ABRAXAS1: variants seen among roughly 807,000 people sequenced by gnomAD.
ABRAXAS1 encodes abraxas 1, BRCA1 A complex subunit.
ABRAXAS1 carries 26 observed loss-of-function variants against 38.4 expected under a neutral mutation model. The ratio of observed to expected loss-of-function variants is 0.68; its 90% confidence interval spans 0.50 to 0.94. The LOEUF (loss-of-function observed/expected upper bound fraction) is 0.94, where lower values mean the gene tolerates loss of function less well. Among genes scored for constraint, ABRAXAS1 ranks in the 40% least tolerant of loss-of-function variants. The pLI, the probability that ABRAXAS1 is intolerant of heterozygous loss-of-function variation, is 0.00. For synonymous variants in ABRAXAS1, 144 were observed against 165.5 expected (o/e 0.87, Z 1.00); for missense variants, 438 against 481.9 (o/e 0.91, Z 0.85).
chr4:83,484,143 C>G (rs1258648956), intron 1 of ABRAXAS1: 19 of 970,492 alleles, frequency 2.0e-5, no homozygotes, highest in Non-Finnish European at 2.2e-5. Flanking sequence ...GCTGGAATTA[C>G]AGGCGTGAGC....
In ABRAXAS1 at chr4:83,459,969, A is replaced by G. The variant is rs1201815104; in HGVS notation, c.*2500T>C. ...AAAAGTCTCTTAGGCCAAGAGGATT[A>G]TTATTTTGCTGTCTTATGCAGAGTT... On this transcript the variant is annotated 3_prime_UTR_variant, in exon 9 of 9. Transcript: ENST00000321945. The G allele has an allele frequency of 1.9e-6, 1 of 531,048 alleles. No individual in the cohort carries two copies. Among genetic ancestry groups the G allele is most frequent in the East Asian group, 3.4e-5 (1 of 29,626 alleles). The allele number at this position is 531,048 out of a possible 1,614,324, so 32.9% of individuals were successfully genotyped here. A position where few individuals can be genotyped will look rare whatever the true frequency, so the allele number is the denominator to read the frequency against.
At chr4:83,472,171 CA>C (rs2110041330) in intron 4 of ABRAXAS1, 50 bp downstream of exon 4, 11 of 1,234,046 alleles carry the variant, frequency 8.9e-6, no homozygotes, top group South Asian at 3.0e-5. Flanking sequence ...TTTTAAGAAC[CA>C]AAAACAATGC....
In ABRAXAS1 at chr4:83,468,979, A is replaced by T. The variant is rs1722482234; in HGVS notation, c.596+53T>A. The T allele has an allele frequency of 4.4e-6, 7 of 1,583,202 alleles. No individual in the cohort carries two copies. In the South Asian group the frequency reaches 7.9e-5, roughly 18 times the overall value. Reference sequence around the variant, plus strand: ...TTCTGCTGTTGTTTGAGAAATAAGAAAATTAATTTCAAAGATGAATAGAAG... The same window carrying T: ...TTCTGCTGTTGTTTGAGAAATAAGATAATTAATTTCAAAGATGAATAGAAG... On this transcript the variant is annotated intron_variant, in intron 6 of 8. Coordinates refer to ENST00000321945, the MANE Select transcript of ABRAXAS1 (RefSeq NM_139076.3).
intron 3 of ABRAXAS1, among the ~76,000 whole-genome samples, chr4:83,474,363 G>A (rs1463536721): frequency 6.6e-6 from 1 of 151,810 alleles, no homozygotes; most frequent in African/African-American, 2.4e-5. Context: ...GGCTTTGATG[G>A]CCACATCCAG....
At chr4:83,484,919 G>T in intron 1 of ABRAXAS1, 67 bp downstream of exon 1, 2 of 1,374,462 alleles carry the variant, frequency 1.5e-6, no homozygotes, top group Non-Finnish European at 2.0e-6. Context: ...GAGCAACAGC[G>T]GGGAGGCAGG....
chr4:83,477,644 G>C (rs1023067815), intron 2 of ABRAXAS1: 21 of 519,848 alleles, frequency 4.0e-5, no homozygotes, highest in Admixed American at 8.9e-5. Context: ...GCCAAAACAC[G>C]ACTTCAGGTA....
intron 4 of ABRAXAS1, among the ~76,000 whole-genome samples, chr4:83,470,656 T>C (rs2110040078): frequency 6.6e-6 from 1 of 152,342 alleles, no homozygotes; most frequent in Non-Finnish European, 1.5e-5. Flanking sequence ...TGACTTTCTG[T>C]AGTTTCTTTT....
chr4:83,477,275 T>A (rs1408906195), intron 2 of ABRAXAS1, among the ~76,000 whole-genome samples: 1 of 152,202 alleles, frequency 6.6e-6, no homozygotes, highest in Admixed American at 6.5e-5. Flanking sequence ...GTTAGATACT[T>A]TGGGCGGCAC....
In ABRAXAS1 at chr4:83,462,446, A is replaced by C; in HGVS notation, c.*23T>G. On this transcript the variant is annotated 3_prime_UTR_variant, in exon 9 of 9. Transcript: ENST00000321945. The stretch of plus-strand genomic sequence containing the variant: ...CTTTACCCATCAGCCAAATAAAAAA[A>C]TCTCCTTGTAAGGTTAAAAGGATCA... 6.4e-7 allele frequency: 1 copy of C among 1,567,294 alleles called. No individual in the cohort carries two copies. Among genetic ancestry groups the C allele is most frequent in the Non-Finnish European group, 8.6e-7 (1 of 1,159,286 alleles).
In ABRAXAS1 at chr4:83,459,965, G is replaced by A. The variant is rs952390586; in HGVS notation, c.*2504C>T. On this transcript the variant is annotated 3_prime_UTR_variant, in exon 9 of 9. Transcript: ENST00000321945. ...ATGAAAAAGTCTCTTAGGCCAAGAG[G>A]ATTATTATTTTGCTGTCTTATGCAG... The A allele has an allele frequency of 3.7e-6, 2 of 534,384 alleles. No individual in the cohort carries two copies. Among genetic ancestry groups the A allele is most frequent in the Non-Finnish European group, 6.5e-6 (2 of 308,358 alleles). The allele number at this position is 534,384 out of a possible 1,614,324, so 33.1% of individuals were successfully genotyped here. A position where few individuals can be genotyped will look rare whatever the true frequency, so the allele number is the denominator to read the frequency against.
chr4:83,471,714 G>C (rs1051838125), intron 4 of ABRAXAS1, among the ~76,000 whole-genome samples: 2 of 151,842 alleles, frequency 1.3e-5, no homozygotes, highest in African/African-American at 4.8e-5. Context: ...AATAATAACT[G>C]AGGCCAGGCA....
chr4:83,461,874 T>C lies in ABRAXAS1; in HGVS notation c.*595A>G, dbSNP rs1722131885. On this transcript the variant is annotated 3_prime_UTR_variant, in exon 9 of 9. Coordinates refer to ENST00000321945, the MANE Select transcript of ABRAXAS1 (RefSeq NM_139076.3). Reference sequence around the variant, plus strand: ...GGCTGCCAGATTTAGCAAGTACAAATGTAGGACAAATTTAAATTTTAGATG... The same window carrying C: ...GGCTGCCAGATTTAGCAAGTACAAACGTAGGACAAATTTAAATTTTAGATG... 4.4e-6 allele frequency: 1 copy of C among 228,988 alleles called. No individual in the cohort carries two copies. Among genetic ancestry groups the C allele is most frequent in the African/African-American group, 2.2e-5 (1 of 45,244 alleles). 14.2% of individuals were successfully genotyped at this position (228,988 alleles called of 1,614,324 possible).
rs748306343 is a variant in ABRAXAS1, at chr4:83,470,280, C to G, written c.399G>C (p.Leu133=). 6.2e-7 allele frequency: 1 copy of G among 1,613,744 alleles called. No homozygotes were observed. The highest frequency in any genetic ancestry group is 1.1e-5 in the South Asian group (1 of 91,070). Residue 133 remains leucine, a synonymous_variant, in exon 5 of 9, where the codon CTG becomes CTC. Coordinates refer to ENST00000321945, the MANE Select transcript of ABRAXAS1 (RefSeq NM_139076.3). ...CTGTTATTATACTTGGTGTTAATAGCAGAAAAACAAGGTCTTGGTTTGAAA... is the reference window on the plus strand; with the variant it reads ...CTGTTATTATACTTGGTGTTAATAGGAGAAAAACAAGGTCTTGGTTTGAAA... ...EHFSNQDLVF[L]LLTPSIITES...
chr4:83,467,363 C>A (rs184975387), intron 7 of ABRAXAS1, 91 bp downstream of exon 7: 6 of 768,888 alleles, frequency 7.8e-6, no homozygotes, highest in South Asian at 1.5e-5. Flanking sequence ...TAAATCTAAT[C>A]AAGATGTCAG....
At chr4:83,482,437 A>C (rs1723031053) in intron 1 of ABRAXAS1, among the ~76,000 whole-genome samples, 193 bp from the exon 2 acceptor site, 1 of 152,232 alleles carries the variant, frequency 6.6e-6, no homozygotes, top group Admixed American at 6.5e-5. Context: ...GAGGCTAGGC[A>C]AGATGGCTCA....
intron 8 of ABRAXAS1, among the ~76,000 whole-genome samples, 187 bp downstream of exon 8, chr4:83,463,307 C>G (rs922428012): frequency 2.6e-5 from 4 of 152,130 alleles, no homozygotes; most frequent in Non-Finnish European, 5.9e-5. Flanking sequence ...GTGGCAGGCA[C>G]CTGGAATCCC....
At position 83,460,891 on chromosome 4, in the gene ABRAXAS1, G is replaced by GGGA. The variant is rs1722073880; in HGVS notation, c.*1575_*1577dup. 1 of 1,191,560 alleles carries GGGA rather than the reference G, an allele frequency of 8.4e-7. No homozygotes were observed. Among genetic ancestry groups the GGGA allele is most frequent in the East Asian group, 2.4e-5 (1 of 41,554 alleles). 73.8% of individuals were successfully genotyped at this position (1,191,560 alleles called of 1,614,324 possible). ...ACTGTACTCCAGCCTGGGTGACACA[G>GGGA]GGAGACTCCATCTCAAAAAAAAAAA... On this transcript the variant is annotated 3_prime_UTR_variant, in exon 9 of 9. Transcript: ENST00000321945.
intron 3 of ABRAXAS1, among the ~76,000 whole-genome samples, chr4:83,475,109 T>A (rs1578131853): frequency 2.0e-5 from 3 of 152,326 alleles, no homozygotes; most frequent in African/African-American, 7.2e-5. Context: ...ATTAAGTTAG[T>A]CTAATTATTA....
At chr4:83,475,028 G>GTT (rs1017719395) in intron 3 of ABRAXAS1, among the ~76,000 whole-genome samples, 2 of 152,134 alleles carry the variant, frequency 1.3e-5, no homozygotes, top group African/African-American at 4.8e-5. Flanking sequence ...CTTTAATCCT[G>GTT]TAAGAGCTAA....
Sources: allele counts gnomAD v4.1 joint callset (sites outside exome capture counted in the v4.1 genomes callset), GRCh38; gene constraint gnomAD v4.1.1; transcripts MANE v1.5; gene names NCBI Gene and HGNC (gene_info 2026-07-23, HGNC 2026-07-21).